The following RUNX3 variants were observed in gnomAD, a reference collection of about 807,000 sequenced individuals.
RUNX3 encodes runt-related transcription factor 3.
RUNX3 carries 10 observed loss-of-function variants against 27.7 expected under a neutral mutation model. The observed-to-expected ratio is 0.36, with a 90% CI of 0.22 to 0.61. The LOEUF is 0.61. Among genes scored for constraint, RUNX3 ranks in the 20% least tolerant of loss-of-function variants. The probability of loss-of-function intolerance (pLI) is 0.72; values close to 1 mark genes in which losing one functional copy is unlikely to be tolerated. For missense variants in RUNX3, 469 were observed against 629.5 expected, an observed-to-expected ratio of 0.75 and a Z score of 2.73; for synonymous variants, 270 against 269.2, an observed-to-expected ratio of 1.00 and a Z score of -0.03.
chr1:24,957,103 C>T (rs1641953754), intron 2 of RUNX3, among the ~76,000 whole-genome samples: 1 of 152,248 alleles, frequency 6.6e-6, no homozygotes, highest in Non-Finnish European at 1.5e-5. Context: ...TTATATGCGT[C>T]TGCCCTTTCC....
chr1:24,963,259 C>T (rs1292303358), intron 2 of RUNX3, among the ~76,000 whole-genome samples: 2 of 152,346 alleles, frequency 1.3e-5, no homozygotes, highest in East Asian at 3.9e-4. Flanking sequence ...GACTCAAACA[C>T]CCAAATGTGT....
chr1:24,939,189 C>T lies in RUNX3; in HGVS notation c.59-9337G>A, dbSNP rs764292228. Among the ~76,000 whole-genome samples the T allele has an allele frequency of 3.9e-5, 6 of 152,134 alleles. No homozygotes were observed. The East Asian group carries it at 9.6e-4, about 24-fold the overall frequency. On this transcript the variant is annotated intron_variant, in intron 2 of 6. Transcript: ENST00000338888. Reference sequence around the variant, plus strand: ...AAAAGTCTCCACTGGACCCTGGGCACGCAGAGTGCACACACACACGCACAC... The same window carrying T: ...AAAAGTCTCCACTGGACCCTGGGCATGCAGAGTGCACACACACACGCACAC...
At chr1:24,933,981 C>T (rs1187832232), upstream of RUNX3, among the ~76,000 whole-genome samples, 1 of 152,168 alleles carries the variant, frequency 6.6e-6, no homozygotes, top group Non-Finnish European at 1.5e-5. Context: ...TCAAAGGGGA[C>T]ATTCATGCCC....
intron 2 of RUNX3, among the ~76,000 whole-genome samples, chr1:24,926,063 T>G (rs1278161558): frequency 6.6e-6 from 1 of 152,210 alleles, no homozygotes; most frequent in Non-Finnish European, 1.5e-5. Flanking sequence ...AAGTTCCTGA[T>G]GCCTTGCTGG....
intron 2 of RUNX3, among the ~76,000 whole-genome samples, chr1:24,959,237 G>T (rs923308860): frequency 6.6e-6 from 1 of 152,206 alleles, no homozygotes; most frequent in Admixed American, 6.5e-5. Context: ...CCTCCAGCCC[G>T]CCAGAGTGGG....
At chr1:24,944,335 G>T (rs994173540) in intron 2 of RUNX3, among the ~76,000 whole-genome samples, 1 of 152,102 alleles carries the variant, frequency 6.6e-6, no homozygotes, top group African/African-American at 2.4e-5. Flanking sequence ...TGTCTGTGCT[G>T]CCCTTTACCT....
At chr1:24,911,266 G>A (rs747750445) in intron 3 of RUNX3, among the ~76,000 whole-genome samples, 3 of 152,252 alleles carry the variant, frequency 2.0e-5, no homozygotes, top group Non-Finnish European at 4.4e-5. Flanking sequence ...AGCCAATAGG[G>A]CTGGTGCAAA....
chr1:24,947,046 A>G (rs1182096084), intron 2 of RUNX3, among the ~76,000 whole-genome samples: 1 of 152,072 alleles, frequency 6.6e-6, no homozygotes, highest in African/African-American at 2.4e-5. Flanking sequence ...ACTTGGTAAT[A>G]ATTAACCCAC....
chr1:24,957,508 G>T (rs1641971750), intron 2 of RUNX3, among the ~76,000 whole-genome samples: 1 of 152,216 alleles, frequency 6.6e-6, no homozygotes, highest in South Asian at 2.1e-4. Flanking sequence ...CAATGGCAGA[G>T]CACCCCCACC....
chr1:24,934,350 TG>T (rs1641298095), upstream of RUNX3, among the ~76,000 whole-genome samples: 1 of 152,120 alleles, frequency 6.6e-6, no homozygotes, highest in African/African-American at 2.4e-5. Flanking sequence ...AGCACAAATG[TG>T]CTTCTCAAAT....
intron 3 of RUNX3, among the ~76,000 whole-genome samples, chr1:24,909,575 G>A (rs1640757411): frequency 6.6e-6 from 1 of 152,216 alleles, no homozygotes; most frequent in Admixed American, 6.5e-5. Context: ...GATTCAACAA[G>A]CATGGCGAGA....
At chr1:24,964,049 C>T (rs1642189111) in intron 2 of RUNX3, among the ~76,000 whole-genome samples, 1 of 152,214 alleles carries the variant, frequency 6.6e-6, no homozygotes, top group Non-Finnish European at 1.5e-5. Context: ...CCAGGAGTTA[C>T]ACACAAAATG....
exon 1 of RUNX3, chr1:24,964,868 G>A (rs1642218739): frequency 3.6e-6 from 2 of 562,600 alleles, no homozygotes; most frequent in African/African-American, 1.9e-5. Flanking sequence ...CCACAGGAAT[G>A]TCTAGCCACA....
chr1:24,955,604 G>A (rs534580823), intron 2 of RUNX3, among the ~76,000 whole-genome samples: 1 of 152,328 alleles, frequency 6.6e-6, no homozygotes, highest in East Asian at 1.9e-4. Flanking sequence ...ACCTTAGTAG[G>A]GCTTGGTAGG....
chr1:24,930,293 G>C (rs1641195813), upstream of RUNX3: 1 of 965,498 alleles, frequency 1.0e-6, no homozygotes, highest in Non-Finnish European at 1.2e-6. This position sits in a 1 kb window ranked among gnomAD's most constrained non-coding sequence, Gnocchi z 4.1. Context: ...GCGGCCGCCC[G>C]CGCGGGGTTA....
At chr1:24,931,871 A>T (rs1641237782), upstream of RUNX3, among the ~76,000 whole-genome samples, 1 of 152,162 alleles carries the variant, frequency 6.6e-6, no homozygotes. Flanking sequence ...ACCTTTTAAG[A>T]GAGCCTGCGC....
At chr1:24,921,928 T>G (rs921672365) in intron 2 of RUNX3, among the ~76,000 whole-genome samples, 1 of 152,208 alleles carries the variant, frequency 6.6e-6, no homozygotes, top group Non-Finnish European at 1.5e-5. Context: ...CCCTGGTCAC[T>G]TTATCTGAAG....
At chr1:24,905,029 G>A (rs763492183) in intron 4 of RUNX3, among the ~76,000 whole-genome samples, 8 of 152,170 alleles carry the variant, frequency 5.3e-5, no homozygotes, top group African/African-American at 9.7e-5. Context: ...CATTGTGGGC[G>A]GCTGCGGCTG....
chr1:24,919,791 G>A (rs1177636212), intron 2 of RUNX3, among the ~76,000 whole-genome samples: 2 of 151,008 alleles, frequency 1.3e-5, no homozygotes, highest in African/African-American at 2.5e-5. Context: ...GATAGACACC[G>A]TTACCATTTG....
Sources: gnomAD v4.1 joint callset for allele counts (sites outside exome capture counted in the v4.1 genomes callset) on GRCh38, gnomAD v4.1.1 for gene constraint, Gnocchi (gnomAD v3.1) non-coding constraint, MANE v1.5 for transcripts, NCBI Gene and HGNC (gene_info 2026-07-23, HGNC 2026-07-21) for gene names.